SMO: variants seen among roughly 807,000 people sequenced by gnomAD.
The protein encoded by SMO is smoothened, frizzled class receptor.
A neutral mutation model predicts 81.6 loss-of-function variants in SMO; 40 were observed. That is an observed-to-expected ratio of 0.49 (90% CI 0.38 to 0.64). SMO has a LOEUF of 0.64. Ranked by LOEUF, SMO falls within the 30% of genes least tolerant of loss-of-function variation. The probability of loss-of-function intolerance (pLI) is 0.00; values close to 1 mark genes in which losing one functional copy is unlikely to be tolerated. For synonymous variants in SMO, 434 were observed against 432.1 expected, an observed-to-expected ratio of 1.00 and a Z score of -0.05; for missense variants, 916 against 1,061.1, an observed-to-expected ratio of 0.86 and a Z score of 1.90.
rs1793442534 is a variant in SMO, at chr7:129,189,172, G to T, written c.21G>T (p.Ala7=). The change falls in exon 1 of 12, where the codon GCG becomes GCT. Residue 7 remains alanine, a synonymous_variant. Coordinates refer to ENST00000249373, the MANE Select transcript of SMO (RefSeq NM_005631.5). This position sits in a 1 kb window ranked among gnomAD's most constrained non-coding sequence, Gnocchi z 4.7. ...TGGCCATGGCCGCTGCCCGCCCAGC[G>T]CGGGGGCCGGAGCTCCCGCTCCTGG... MAAARP[A]RGPELPLLGL... 1.8e-5 allele frequency: 21 copies of T among 1,181,922 alleles called. No individual in the cohort carries two copies. The South Asian group carries it at 8.0e-4, about 45-fold the overall frequency. 73.2% of individuals were successfully genotyped at this position (1,181,922 alleles called of 1,614,324 possible). A position where few individuals can be genotyped will look rare whatever the true frequency, so the allele number is the denominator to read the frequency against.
intron 1 of SMO, among the ~76,000 whole-genome samples, chr7:129,193,788 ATAT>A (rs1793522248): frequency 2.1e-4 from 11 of 52,954 alleles, no homozygotes; most frequent in African/African-American, 7.2e-4. Flanking sequence ...AAAAAAAAAT[ATAT>A]ATATATATAT....
intron 1 of SMO, among the ~76,000 whole-genome samples, chr7:129,202,218 C>T (rs1793683458): frequency 6.6e-6 from 1 of 152,144 alleles, no homozygotes; most frequent in Non-Finnish European, 1.5e-5. Context: ...GTAAATCTAT[C>T]ATCCCCATTT....
At chr7:129,201,832 C>T (rs1372383533) in intron 1 of SMO, among the ~76,000 whole-genome samples, 1 of 152,042 alleles carries the variant, frequency 6.6e-6, no homozygotes, top group East Asian at 1.9e-4. Flanking sequence ...AGGCATGTAC[C>T]ACCACGACCG....
Position 129,189,380 on chromosome 7 carries a change from G to A in SMO, c.229G>A (p.Val77Met), listed in dbSNP as rs1409206017. ...CCCCTGCGAGCCGCTGCGCTACAACGTGTGCCTGGGCTCGGTGCTGCCCTA... is the reference window on the plus strand; with the variant it reads ...CCCCTGCGAGCCGCTGCGCTACAACATGTGCCTGGGCTCGGTGCTGCCCTA... ...AAPCEPLRYNVCLGSVLPYGA... is the reference protein window; with the variant it reads ...AAPCEPLRYNMCLGSVLPYGA... Residue 77 changes from valine (V) to methionine (M), a missense_variant, in exon 1 of 12, where the codon GTG becomes ATG. By Grantham distance (21) the Val-to-Met change is conservative. This residue lies in a region of SMO where 146 missense variants were observed against 149.9 expected (regional missense o/e 0.97). Transcript: ENST00000249373. This position sits in a 1 kb window ranked among gnomAD's most constrained non-coding sequence, Gnocchi z 4.7. 4 of 1,535,066 alleles carry A rather than the reference G, an allele frequency of 2.6e-6. No homozygotes were observed. The highest frequency in any genetic ancestry group is 3.5e-6 in the Non-Finnish European group (4 of 1,145,948).
intron 2 of SMO, among the ~76,000 whole-genome samples, chr7:129,204,978 T>C (rs970495338): frequency 6.6e-6 from 1 of 151,190 alleles, no homozygotes; most frequent in East Asian, 1.9e-4. Flanking sequence ...CACTCCAGCC[T>C]GGGCGACAGA....
intron 2 of SMO, among the ~76,000 whole-genome samples, chr7:129,204,717 T>C (rs543641912): frequency 6.6e-6 from 1 of 151,566 alleles, no homozygotes; most frequent in Non-Finnish European, 1.5e-5. Flanking sequence ...AGTACTACCA[T>C]CTTAGAAATG....
rs376280244 is a variant in SMO, at chr7:129,212,372, G to A, written c.2285G>A (p.Arg762His). ...APAPVAWAHG[R>H]RQGLGPIHSR... ...GCCCCCGTGGCATGGGCTCATGGCC[G>A]CCGACAGGGCCTGGGGCCTATTCAC... The change falls in exon 12 of 12, where the codon CGC becomes CAC. Residue 762 changes from arginine to histidine, a missense_variant. Physicochemically the swap from Arg to His is conservative, Grantham distance 29. Around this residue, in one of 4 missense-constraint regions of SMO, gnomAD observed 324 missense variants for 312.9 expected, o/e 1.04. Coordinates refer to ENST00000249373, the MANE Select transcript of SMO (RefSeq NM_005631.5). The surrounding 1 kb of genome is among the most constrained non-coding windows in gnomAD (Gnocchi z 5.0). 26 of 1,613,934 alleles carry A rather than the reference G, an allele frequency of 1.6e-5. No individual in the cohort carries two copies. Among genetic ancestry groups the A allele is most frequent in the Middle Eastern group, 1.6e-4 (1 of 6,084 alleles).
intron 1 of SMO, among the ~76,000 whole-genome samples, chr7:129,190,902 A>G (rs1308896190): frequency 6.6e-6 from 1 of 152,258 alleles, no homozygotes; most frequent in East Asian, 1.9e-4. Flanking sequence ...ACTCATATAT[A>G]AGAATGGGTA....
chr7:129,199,977 G>T (rs1476664192), intron 1 of SMO, among the ~76,000 whole-genome samples: 1 of 152,106 alleles, frequency 6.6e-6, no homozygotes, highest in Non-Finnish European at 1.5e-5. Context: ...ATTAGCTCTT[G>T]TGATAAGTAT....
intron 7 of SMO, 182 bp downstream of exon 7, chr7:129,209,033 G>C: frequency 1.6e-6 from 1 of 620,694 alleles, no homozygotes; most frequent in Non-Finnish European, 2.9e-6. Flanking sequence ...GTCTACTCGG[G>C]GGGAAGAATT....
chr7:129,189,074 G>A lies in SMO; in HGVS notation c.-78G>A. On this transcript the variant is annotated 5_prime_UTR_variant, in exon 1 of 12. Transcript: ENST00000249373. This position sits in a 1 kb window ranked among gnomAD's most constrained non-coding sequence, Gnocchi z 4.7. ...CGCCTGAGCCGCCTCCGCGGCCGCC[G>A]AGGTCGTGCGTGTGGCCGGGGGGCT... 8.4e-7 allele frequency: 1 copy of A among 1,187,222 alleles called. No individual in the cohort carries two copies. The highest frequency in any genetic ancestry group is 1.0e-6 in the Non-Finnish European group (1 of 954,150). The allele number at this position is 1,187,222 out of a possible 1,614,324, so 73.5% of individuals were successfully genotyped here. A position where few individuals can be genotyped will look rare whatever the true frequency, so the allele number is the denominator to read the frequency against.
Position 129,211,423 on chromosome 7 carries a change from T to G in SMO, c.1802-213T>G. The G allele has an allele frequency of 1.4e-6, 1 of 717,528 alleles. No individual in the cohort carries two copies. Among genetic ancestry groups the G allele is most frequent in the South Asian group, 1.5e-5 (1 of 67,202 alleles). The allele number at this position is 717,528 out of a possible 1,614,324, so 44.4% of individuals were successfully genotyped here. On this transcript the variant is annotated intron_variant, in intron 10 of 11. Coordinates refer to ENST00000249373, the MANE Select transcript of SMO (RefSeq NM_005631.5). The surrounding 1 kb of genome is among the most constrained non-coding windows in gnomAD (Gnocchi z 4.6). ...AAGAGTAAGTCAGGGTTCCAAGAAC[T>G]GGATTTCTGGCCTCCAGTTAGGCCC... is the stretch of plus-strand genomic sequence containing the variant.
At position 129,209,084 on chromosome 7, in the gene SMO, C is replaced by T. The variant is rs949726865; in HGVS notation, c.1358-205C>T. ...CGGGACTGGTTCCTCCTGCCCACTA[C>T]GTCCCACGTGGTCCCTCCCACAGTT... On this transcript the variant is annotated intron_variant, in intron 7 of 11. Coordinates refer to ENST00000249373, the MANE Select transcript of SMO (RefSeq NM_005631.5). 1.5e-4 allele frequency: 94 copies of T among 608,646 alleles called. 1 individual carries two copies. Among genetic ancestry groups the T allele is most frequent in the South Asian group, 4.3e-4 (22 of 51,200 alleles). The allele number at this position is 608,646 out of a possible 1,614,324, so 37.7% of individuals were successfully genotyped here. A position where few individuals can be genotyped will look rare whatever the true frequency, so the allele number is the denominator to read the frequency against.
chr7:129,202,804 C>T (rs1175663396), intron 1 of SMO, among the ~76,000 whole-genome samples: 3 of 152,112 alleles, frequency 2.0e-5, no homozygotes, highest in Non-Finnish European at 2.9e-5. Flanking sequence ...AAATGGGCCC[C>T]GTGAGAGTTG....
At position 129,189,503 on chromosome 7, in the gene SMO, T is replaced by A. The variant is rs1284862449; in HGVS notation, c.331+21T>A. 49 of 1,533,510 alleles carry A rather than the reference T, an allele frequency of 3.2e-5. No individual in the cohort carries two copies. Among genetic ancestry groups the A allele is most frequent in the Non-Finnish European group, 4.2e-5 (48 of 1,146,168 alleles). 95.0% of individuals were successfully genotyped at this position (1,533,510 alleles called of 1,614,324 possible). A position where few individuals can be genotyped will look rare whatever the true frequency, so the allele number is the denominator to read the frequency against. ...GTCGGGTAAGTGCGGCGGAGCCGGG[T>A]CTGGGGGGCGGGAGGTGCCGCGGTA... On this transcript the variant is annotated intron_variant, in intron 1 of 11. Coordinates refer to ENST00000249373, the MANE Select transcript of SMO (RefSeq NM_005631.5). This position sits in a 1 kb window ranked among gnomAD's most constrained non-coding sequence, Gnocchi z 4.7.
intron 1 of SMO, among the ~76,000 whole-genome samples, chr7:129,202,126 T>C (rs1226537863): frequency 6.6e-6 from 1 of 152,168 alleles, no homozygotes; most frequent in Non-Finnish European, 1.5e-5. Context: ...AGAGTTAACA[T>C]TTCCTGAGCG....
intron 1 of SMO, among the ~76,000 whole-genome samples, chr7:129,192,326 G>A (rs750870360): frequency 1.4e-4 from 22 of 152,188 alleles, no homozygotes; most frequent in Non-Finnish European, 2.5e-4. Flanking sequence ...GGATCAAAGC[G>A]TGTGAGGGGT....
rs776899555 is a variant in SMO at position 129,211,800 on chromosome 7, T to TG, written c.1936+36dup. The TG allele has an allele frequency of 7.4e-6, 12 of 1,612,548 alleles. No individual in the cohort carries two copies. The East Asian group carries it at 2.7e-4, about 36-fold the overall frequency. ...GAGAGTTCAAGCTTCTGGAGGAAGG[T>TG]GGGGGGAGCACAGAGGCTGGGGGCT... On this transcript the variant is annotated intron_variant, in intron 11 of 11. Coordinates refer to ENST00000249373, the MANE Select transcript of SMO (RefSeq NM_005631.5). This position sits in a 1 kb window ranked among gnomAD's most constrained non-coding sequence, Gnocchi z 4.6.
In SMO at chr7:129,208,730, C is replaced by G. The variant is rs2150652102; in HGVS notation, c.1265-29C>G. ...TCCCAGCAGGGCAGCCTCACCCCTG[C>G]TAATGTCTGAGGTCCCCCTTCTGTT... On this transcript the variant is annotated intron_variant, in intron 6 of 11. Transcript: ENST00000249373. This position sits in a 1 kb window ranked among gnomAD's most constrained non-coding sequence, Gnocchi z 5.2. 8 of 1,467,980 alleles carry G rather than the reference C, an allele frequency of 5.4e-6. No individual in the cohort carries two copies. Among genetic ancestry groups the G allele is most frequent in the Non-Finnish European group, 7.6e-6 (8 of 1,047,586 alleles). 90.9% of individuals were successfully genotyped at this position (1,467,980 alleles called of 1,614,324 possible).
Sources: gnomAD v4.1 joint callset for allele counts (sites outside exome capture counted in the v4.1 genomes callset) on GRCh38, gnomAD v4.1.1 for gene constraint, gnomAD v4.1.1 regional missense constraint, Gnocchi (gnomAD v3.1) non-coding constraint, MANE v1.5 for transcripts, NCBI Gene and HGNC (gene_info 2026-07-23, HGNC 2026-07-21) for gene names.